The following RAD51 variants were observed in gnomAD, a reference collection of about 807,000 sequenced individuals.
RAD51 encodes the protein DNA repair protein RAD51 homolog 1.
A neutral mutation model predicts 41.5 loss-of-function variants in RAD51; 14 were observed. The ratio of observed to expected loss-of-function variants is 0.34; its 90% CI spans 0.22 to 0.53. The LOEUF is 0.53. Ranked by LOEUF, RAD51 falls within the 20% of genes least tolerant of loss-of-function variation. The pLI is 0.95. For synonymous variants in RAD51, 136 were observed against 148.6 expected (o/e 0.92, Z 0.62); for missense variants, 234 against 422.0 (o/e 0.55, Z 3.90).
rs1896873944 is a variant in RAD51 at position 40,731,500 on chromosome 15, A to G, written c.*322A>G. On this transcript the variant is annotated 3_prime_UTR_variant, in exon 10 of 10. Coordinates refer to ENST00000267868, the MANE Select transcript of RAD51 (RefSeq NM_002875.5). ...AACAAGCTGTCTACTGGACAATCTTATGTTTCCAAGAGAACTAAAGCTGGA... is the reference window on the plus strand; with the variant it reads ...AACAAGCTGTCTACTGGACAATCTTGTGTTTCCAAGAGAACTAAAGCTGGA... 7.6e-6 allele frequency: 3 copies of G among 396,556 alleles called. No individual in the cohort carries two copies. Among genetic ancestry groups the G allele is most frequent in the Non-Finnish European group, 1.4e-5 (3 of 213,156 alleles). The allele number at this position is 396,556 out of a possible 1,614,324, so 24.6% of individuals were successfully genotyped here. A position where few individuals can be genotyped will look rare whatever the true frequency, so the allele number is the denominator to read the frequency against.
chr15:40,728,953 G>T, intron 7 of RAD51, 129 bp downstream of exon 7: 1 of 810,038 alleles, frequency 1.2e-6, no homozygotes, highest in Admixed American at 2.0e-5. Context: ...TTCCTGTGTT[G>T]ACACTCTTGC....
At chr15:40,698,421 G>A (rs572361160) in intron 1 of RAD51, among the ~76,000 whole-genome samples, 2 of 151,808 alleles carry the variant, frequency 1.3e-5, no homozygotes, top group East Asian at 3.9e-4. Flanking sequence ...CTCCTGACCT[G>A]GTGATCTGCC....
At chr15:40,730,709 A>G (rs1896838180) in intron 9 of RAD51, among the ~76,000 whole-genome samples, 1 of 151,372 alleles carries the variant, frequency 6.6e-6, no homozygotes, top group Admixed American at 6.6e-5. Flanking sequence ...TTTTTAGTAG[A>G]GATGGGGTTT....
intron 3 of RAD51, among the ~76,000 whole-genome samples, chr15:40,703,293 C>T (rs1415454966): frequency 2.0e-5 from 3 of 152,154 alleles, no homozygotes; most frequent in Non-Finnish European, 2.9e-5. Context: ...CCAGGCTGGT[C>T]TCAAAATCCT....
At position 40,703,615 on chromosome 15, in the gene RAD51, A is replaced by G. The variant is rs182300609; in HGVS notation, c.225+2414A>G. On this transcript the variant is annotated intron_variant, in intron 3 of 9. Coordinates refer to ENST00000267868, the MANE Select transcript of RAD51 (RefSeq NM_002875.5). ...AGTTACCTAACTTGTTGACATAGAG[A>G]TGCTCACAGGGTTTCCTTATACTAC... Among the ~76,000 whole-genome samples the G allele has an allele frequency of 9.2e-5, 14 of 152,242 alleles. No individual in the cohort carries two copies. The East Asian group carries it at 2.7e-3, about 29-fold the overall frequency.
intron 1 of RAD51, 117 bp from the exon 2 acceptor site, chr15:40,698,640 A>G (rs956791978): frequency 3.2e-6 from 3 of 928,464 alleles, no homozygotes; most frequent in Middle Eastern, 2.2e-4. Flanking sequence ...GCACAATAAG[A>G]GAATGGCCTT....
In RAD51 at chr15:40,728,122, A is replaced by G. The variant is rs1224843188; in HGVS notation, c.531-589A>G. On this transcript the variant is annotated intron_variant, in intron 6 of 9. Coordinates refer to ENST00000267868, the MANE Select transcript of RAD51 (RefSeq NM_002875.5). ...TGATCCACCTGCCTCGGCATCCCAA[A>G]GTGCTAGGATTACAGGCGTGAGCCA... Among the ~76,000 whole-genome samples, 3 of 152,122 alleles carry G rather than the reference A, an allele frequency of 2.0e-5. 1 individual carries two copies. The highest frequency in any genetic ancestry group is 4.4e-5 in the Non-Finnish European group (3 of 68,004).
Position 40,729,512 on chromosome 15 carries a change from C to G in RAD51, c.652C>G (p.Leu218Val). 1 of 1,613,384 alleles carries G rather than the reference C, an allele frequency of 6.2e-7. No homozygotes were observed. The highest frequency in any genetic ancestry group is 8.5e-7 in the Non-Finnish European group (1 of 1,179,636). Reference protein sequence around the residue: ...SAMMVESRYALLIVDSATALY... With the variant: ...SAMMVESRYAVLIVDSATALY... ...AATCCTTGTTTCCTGTAGGTATGCA[C>G]TGCTTATTGTAGACAGTGCCACCGC... Residue 218 changes from leucine (L) to valine (V), a missense_variant, in exon 8 of 10, where the codon CTG (leucine) becomes GTG (valine). Coordinates refer to ENST00000267868, the MANE Select transcript of RAD51 (RefSeq NM_002875.5).
intron 1 of RAD51, among the ~76,000 whole-genome samples, chr15:40,698,417 A>C (rs1045961770): frequency 3.9e-5 from 6 of 151,980 alleles, no homozygotes; most frequent in African/African-American, 1.4e-4. Context: ...TGATCTCCTG[A>C]CCTGGTGATC....
chr15:40,725,344 T>C (rs1337841719), intron 6 of RAD51, among the ~76,000 whole-genome samples: 1 of 152,206 alleles, frequency 6.6e-6, no homozygotes, highest in African/African-American at 2.4e-5. Context: ...CTGAAAAATA[T>C]GTTTACATAG....
At chr15:40,724,969 G>T (rs527654367) in intron 6 of RAD51, among the ~76,000 whole-genome samples, 1 of 137,128 alleles carries the variant, frequency 7.3e-6, no homozygotes, top group African/African-American at 2.9e-5. Flanking sequence ...GCGCAATCTC[G>T]GCTCACTGCA....
chr15:40,718,379 G>A (rs1391486037), intron 5 of RAD51, among the ~76,000 whole-genome samples: 3 of 151,946 alleles, frequency 2.0e-5, no homozygotes, highest in Admixed American at 2.0e-4. Context: ...TTAGCTGGGC[G>A]TGGTGGCATG....
rs1365978617 is a variant in RAD51, at chr15:40,722,417, G to GC, written c.530+3518_530+3519insC. On this transcript the variant is annotated intron_variant, in intron 6 of 9. Transcript: ENST00000267868. The stretch of plus-strand genomic sequence containing the variant: ...AACAAGAGCGAAACTCTGGCTCGGG[G>GC]AAAAAAAAAAAAAAAAGGACAAAAA... Among the ~76,000 whole-genome samples, 78 of 130,556 alleles carry GC rather than the reference G, an allele frequency of 6.0e-4. 1 individual carries two copies. The highest frequency in any genetic ancestry group is 3.9e-3 in the Middle Eastern group (1 of 256). The allele number at this position is 130,556 out of a possible 152,430, so 85.6% of individuals were successfully genotyped here. A position where few individuals can be genotyped will look rare whatever the true frequency, so the allele number is the denominator to read the frequency against.
intron 6 of RAD51, among the ~76,000 whole-genome samples, chr15:40,723,752 T>C (rs1233856344): frequency 6.6e-6 from 1 of 152,240 alleles, no homozygotes; most frequent in East Asian, 1.9e-4. Flanking sequence ...TATACAACTC[T>C]GCAAATTCAC....
Position 40,724,670 on chromosome 15 carries a change from A to ATTTGTTTTTT in RAD51, c.531-4038_531-4037insGTTTTTTTTT, listed in dbSNP as rs757564729. ...ACCACCAAGCCCAGCTAATTTTTTT[A>ATTTGTTTTTT]TTTCTTTTTTTTTTTTTTTTTTTTT... is the stretch of plus-strand genomic sequence containing the variant. On this transcript the variant is annotated intron_variant, in intron 6 of 9. Transcript: ENST00000267868. 1.4e-4 allele frequency among the ~76,000 whole-genome samples: 10 copies of ATTTGTTTTTT among 72,026 alleles called. 1 individual carries two copies. The highest frequency in any genetic ancestry group is 1.7e-4 in the Non-Finnish European group (6 of 34,924). The allele number at this position is 72,026 out of a possible 152,430, so 47.3% of individuals were successfully genotyped here.
At chr15:40,695,144 G>A (rs1048970568), upstream of RAD51, 1 of 152,396 alleles carries the variant, frequency 6.6e-6, no homozygotes, top group Non-Finnish European at 1.5e-5. Flanking sequence ...GTCGACGCGG[G>A]CGTGACCCTG....
At chr15:40,719,525 A>ACTTT (rs1750367913) in intron 6 of RAD51, among the ~76,000 whole-genome samples, 2 of 152,248 alleles carry the variant, frequency 1.3e-5, no homozygotes. Context: ...AATATCAGAC[A>ACTTT]AAGTACACTT....
At chr15:40,698,725 T>G in intron 1 of RAD51, 32 bp from the exon 2 acceptor site, 1 of 1,579,174 alleles carries the variant, frequency 6.3e-7, no homozygotes, top group Non-Finnish European at 8.7e-7. Flanking sequence ...ATTTCTCTAG[T>G]GTTTATACTG....
intron 6 of RAD51, among the ~76,000 whole-genome samples, chr15:40,724,674 CTT>C (rs869156620): frequency 1.1e-5 from 1 of 94,354 alleles, no homozygotes; most frequent in Non-Finnish European, 1.9e-5. Context: ...TTTTTTATTT[CTT>C]TTTTTTTTTT....
Sources: gnomAD v4.1 joint callset for allele counts (sites outside exome capture counted in the v4.1 genomes callset) on GRCh38, gnomAD v4.1.1 for gene constraint, MANE v1.5 for transcripts, NCBI Gene and HGNC (gene_info 2026-07-23, HGNC 2026-07-21) for gene names.